The following AP3M2 variants were observed in gnomAD, a reference collection of about 807,000 sequenced individuals.
The protein encoded by AP3M2 is AP-3 complex subunit mu-2.
In AP3M2, 28 loss-of-function variants were observed where a neutral mutation model predicts 41.6. The observed-to-expected ratio is 0.67, with a 90% confidence interval of 0.50 to 0.92. The LOEUF is 0.92. Ranked by LOEUF, AP3M2 falls within the 40% of genes least tolerant of loss-of-function variation. The pLI is 0.00. For missense variants in AP3M2, 427 were observed against 521.4 expected, an observed-to-expected ratio of 0.82 and a Z score of 1.76; for synonymous variants, 193 against 186.4, an observed-to-expected ratio of 1.04 and a Z score of -0.29.
intron 2 of AP3M2, among the ~76,000 whole-genome samples, chr8:42,155,249 G>A (rs956296899): frequency 1.3e-5 from 2 of 152,188 alleles, no homozygotes; most frequent in African/African-American, 4.8e-5. Flanking sequence ...ACAAATTAGA[G>A]TTTAGATTGT....
At chr8:42,157,908 G>A (rs1564116166) in intron 2 of AP3M2, 33 bp from the exon 3 acceptor site, 1 of 1,583,420 alleles carries the variant, frequency 6.3e-7, no homozygotes, top group Non-Finnish European at 8.7e-7. Flanking sequence ...TACAGTATCT[G>A]AGTGATCAAT....
chr8:42,160,140 A>G (rs1804471847), intron 3 of AP3M2, among the ~76,000 whole-genome samples: 1 of 152,228 alleles, frequency 6.6e-6, no homozygotes, highest in African/African-American at 2.4e-5. Flanking sequence ...TCATTGGAGG[A>G]TTTCAGATTT....
Position 42,165,504 on chromosome 8 carries a change from C to G in AP3M2, c.747C>G (p.Ser249=). The part of the protein sequence containing the change: ...FKRWESERIL[S]FIPPDGNFRL... The stretch of plus-strand genomic sequence containing the variant: ...GCTGGGAATCTGAGCGCATCCTCTC[C>G]TTCATCCCTCCTGATGGAAACTTCC... Residue 249 remains serine, a synonymous_variant, in exon 6 of 9, where the codon TCC becomes TCG. Coordinates refer to ENST00000396926, the MANE Select transcript of AP3M2 (RefSeq NM_006803.4). 3 of 1,614,184 alleles carry G rather than the reference C, an allele frequency of 1.9e-6. No individual in the cohort carries two copies. Among genetic ancestry groups the G allele is most frequent in the Non-Finnish European group, 2.5e-6 (3 of 1,180,022 alleles).
At chr8:42,157,002 GA>G (rs1215117066) in intron 2 of AP3M2, among the ~76,000 whole-genome samples, 1 of 152,194 alleles carries the variant, frequency 6.6e-6, no homozygotes, top group Non-Finnish European at 1.5e-5. Context: ...TTCATGAATA[GA>G]ATGGACTTTC....
chr8:42,158,047 C>G lies in AP3M2; in HGVS notation c.380C>G (p.Ser127Trp). 1.2e-6 allele frequency: 2 copies of G among 1,614,038 alleles called. No individual in the cohort carries two copies. Among genetic ancestry groups the G allele is most frequent in the Non-Finnish European group, 1.7e-6 (2 of 1,180,016 alleles). ...AATGGTTTTCCATTGGCTACCGAGTCGAACATTCTTAAAGAACTCATAAAG... is the reference window on the plus strand; with the variant it reads ...AATGGTTTTCCATTGGCTACCGAGTGGAACATTCTTAAAGAACTCATAAAG... Reference protein sequence around the residue: ...LDNGFPLATESNILKELIKPP... With the variant: ...LDNGFPLATEWNILKELIKPP... The change falls in exon 3 of 9, where the codon TCG (serine) becomes TGG (tryptophan). Residue 127 changes from serine (S) to tryptophan (W), a missense_variant. Physicochemically the swap from Ser to Trp is radical, Grantham distance 177. This residue lies in a region of AP3M2 where 86 missense variants were observed against 142.6 expected (regional missense o/e 0.60). Transcript: ENST00000396926.
chr8:42,156,110 T>G (rs1804348344), intron 2 of AP3M2: 1 of 442,590 alleles, frequency 2.3e-6, no homozygotes, highest in African/African-American at 2.0e-5. Flanking sequence ...AACTTTTAAC[T>G]GGGCCTTGTT....
At chr8:42,162,843 G>T (rs1007051615) in intron 4 of AP3M2, among the ~76,000 whole-genome samples, 5 of 150,340 alleles carry the variant, frequency 3.3e-5, no homozygotes, top group African/African-American at 1.2e-4. Context: ...CTTTGTGAGG[G>T]GCTGAGGTAG....
chr8:42,163,066 A>C (rs752760128), intron 4 of AP3M2, among the ~76,000 whole-genome samples: 28 of 152,166 alleles, frequency 1.8e-4, no homozygotes, highest in Non-Finnish European at 1.3e-4. Flanking sequence ...CACAAAATTC[A>C]GGGAGCTGCC....
At chr8:42,158,503 C>G (rs1673189934) in intron 3 of AP3M2, among the ~76,000 whole-genome samples, 1 of 152,144 alleles carries the variant, frequency 6.6e-6, no homozygotes, top group South Asian at 2.1e-4. Context: ...CCTGCCTCGG[C>G]CTCCCAAAGT....
At chr8:42,165,643 G>C in intron 6 of AP3M2, 83 bp downstream of exon 6, 1 of 1,515,320 alleles carries the variant, frequency 6.6e-7, no homozygotes, top group South Asian at 1.2e-5. Context: ...AAGAACTCAG[G>C]CTCTAGAGTT....
intron 4 of AP3M2, among the ~76,000 whole-genome samples, chr8:42,162,635 T>C (rs1342416509): frequency 6.6e-6 from 1 of 151,972 alleles, no homozygotes; most frequent in African/African-American, 2.4e-5. Context: ...ATTGGTCTTA[T>C]CCTCTTGAAT....
chr8:42,156,223 A>G (rs2150956939), intron 2 of AP3M2, among the ~76,000 whole-genome samples: 1 of 152,370 alleles, frequency 6.6e-6, no homozygotes, highest in East Asian at 1.9e-4. Flanking sequence ...ATTACAAGAC[A>G]GGAAGTGAGA....
rs1804674554 is a variant in AP3M2 at position 42,167,563 on chromosome 8, G to A, written c.1012-103G>A. On this transcript the variant is annotated intron_variant, in intron 7 of 8. Transcript: ENST00000396926. ...ATACCCAGAGGCAGCTTATAATGTT[G>A]TGGACAGGTGCCCTGAGTTTAGATC... 4 of 1,451,072 alleles carry A rather than the reference G, an allele frequency of 2.8e-6. No individual in the cohort carries two copies. The South Asian group carries it at 5.3e-5, about 19-fold the overall frequency. 89.9% of individuals were successfully genotyped at this position (1,451,072 alleles called of 1,614,324 possible).
intron 3 of AP3M2, among the ~76,000 whole-genome samples, chr8:42,160,197 TA>T (rs1023752319): frequency 6.6e-6 from 1 of 152,156 alleles, no homozygotes; most frequent in Non-Finnish European, 1.5e-5. Context: ...TTCCAAAATT[TA>T]AAAAAATACA....
chr8:42,169,144 T>TAGGAGA lies in AP3M2; in HGVS notation c.*83_*84insAGGAGA. On this transcript the variant is annotated 3_prime_UTR_variant, in exon 9 of 9. Transcript: ENST00000396926. ...AAGTAAAAAAAAATATCAGCCTGTC[T>TAGGAGA]CCTAGGTCAGTCCCCTCCTGGACCC... The TAGGAGA allele has an allele frequency of 8.3e-7, 1 of 1,209,116 alleles. No homozygotes were observed. The highest frequency in any genetic ancestry group is 1.5e-5 in the South Asian group (1 of 68,422). The allele number at this position is 1,209,116 out of a possible 1,614,324, so 74.9% of individuals were successfully genotyped here.
At chr8:42,156,763 GT>G (rs1280943341) in intron 2 of AP3M2, among the ~76,000 whole-genome samples, 1 of 152,064 alleles carries the variant, frequency 6.6e-6, no homozygotes, top group Non-Finnish European at 1.5e-5. Context: ...AGTCTGTTCA[GT>G]TTTGGATGTC....
chr8:42,167,411 C>T lies in AP3M2; in HGVS notation c.1011+40C>T, dbSNP rs367878632. The T allele has an allele frequency of 6.2e-4, 991 of 1,604,630 alleles. 19 individuals carry two copies. The highest frequency in any genetic ancestry group is 4.9e-4 in the Middle Eastern group (3 of 6,066). On this transcript the variant is annotated intron_variant, in intron 7 of 8. Coordinates refer to ENST00000396926, the MANE Select transcript of AP3M2 (RefSeq NM_006803.4). The stretch of plus-strand genomic sequence containing the variant: ...GACATCTTGAATTGCTGATGTTAAG[C>T]AGAAACCAGTCTGCAGGTTCTCTGT...
At chr8:42,159,036 C>T (rs1324161187) in intron 3 of AP3M2, among the ~76,000 whole-genome samples, 1 of 152,178 alleles carries the variant, frequency 6.6e-6, no homozygotes, top group Non-Finnish European at 1.5e-5. Context: ...CTCAAGTGAT[C>T]CACCCACCTT....
In AP3M2 at chr8:42,169,893, A is replaced by G. The variant is rs907669320; in HGVS notation, c.*832A>G. The stretch of plus-strand genomic sequence containing the variant: ...TTCTTTTCTAACCCAAAACAGTTCT[A>G]CTCACTTCCTTTTACAGAATTCACC... On this transcript the variant is annotated 3_prime_UTR_variant, in exon 9 of 9. Transcript: ENST00000396926. 1 of 151,984 alleles carries G rather than the reference A, an allele frequency of 6.6e-6. No homozygotes were observed. The highest frequency in any genetic ancestry group is 2.4e-5 in the African/African-American group (1 of 41,348). The allele number at this position is 151,984 out of a possible 1,614,324, so 9.4% of individuals were successfully genotyped here. A position where few individuals can be genotyped will look rare whatever the true frequency, so the allele number is the denominator to read the frequency against.
Sources: allele counts gnomAD v4.1 joint callset (sites outside exome capture counted in the v4.1 genomes callset), GRCh38; gene constraint gnomAD v4.1.1; regional missense constraint gnomAD v4.1.1; transcripts MANE v1.5; gene names NCBI Gene and HGNC (gene_info 2026-07-23, HGNC 2026-07-21).